Variants in SEC62 observed in about 807,000 individuals in gnomAD.
SEC62 encodes SEC62 preprotein translocation factor.
A neutral mutation model predicts 47.5 loss-of-function variants in SEC62; 10 were observed. That is an observed-to-expected ratio of 0.21 (90% confidence interval 0.13 to 0.36). SEC62 has a LOEUF of 0.36. SEC62 is among the 10% of genes least tolerant of loss of function. The pLI is 1.00. For missense variants in SEC62, 327 were observed against 464.1 expected, an observed-to-expected ratio of 0.70 and a Z score of 2.71; for synonymous variants, 136 against 150.5, an observed-to-expected ratio of 0.90 and a Z score of 0.71.
chr3:169,989,070 G>A (rs1049438871), intron 7 of SEC62, among the ~76,000 whole-genome samples: 7 of 151,156 alleles, frequency 4.6e-5, no homozygotes, highest in South Asian at 2.1e-4. Flanking sequence ...TGAATTTTCC[G>A]CATTTCTGGA....
In SEC62 at chr3:169,992,298, C is replaced by T. The variant is rs941569399; in HGVS notation, c.731-296C>T. On this transcript the variant is annotated intron_variant, in intron 7 of 7. Transcript: ENST00000337002. This position sits in a 1 kb window ranked among gnomAD's most constrained non-coding sequence, Gnocchi z 4.0. ...CTCAAGTTCAGAGCAACATTCTGTG[C>T]CCCTAGAATACCGTGATAGCTGCTA... Among the ~76,000 whole-genome samples the T allele has an allele frequency of 6.6e-6, 1 of 152,086 alleles. No individual in the cohort carries two copies. Among genetic ancestry groups the T allele is most frequent in the Admixed American group, 6.5e-5 (1 of 15,274 alleles).
chr3:169,969,118 A>G (rs1714629912), intron 1 of SEC62, among the ~76,000 whole-genome samples: 1 of 152,226 alleles, frequency 6.6e-6, no homozygotes, highest in African/African-American at 2.4e-5. Flanking sequence ...CTGTAATACC[A>G]ACTGAGTTTC....
intron 1 of SEC62, among the ~76,000 whole-genome samples, chr3:169,974,950 C>T (rs1301915493): frequency 6.6e-6 from 1 of 152,156 alleles, no homozygotes; most frequent in Non-Finnish European, 1.5e-5. Flanking sequence ...CTATTAGCAA[C>T]ATCTTATCTT....
rs74398997 is a variant in SEC62 at position 169,971,011 on chromosome 3, G to A, written c.36+4153G>A. Among the ~76,000 whole-genome samples, 840 of 151,726 alleles carry A rather than the reference G, an allele frequency of 5.5e-3. 41 individuals are homozygous for A. The East Asian group carries it at 0.13, about 24-fold the overall frequency. On this transcript the variant is annotated intron_variant, in intron 1 of 7. Transcript: ENST00000337002. ...CAGTGAAAGTGAAGACTGCATGCAC[G>A]TTGGATGTGGTGGCTTGTGCTTGTA...
intron 1 of SEC62, among the ~76,000 whole-genome samples, chr3:169,971,744 A>T (rs1169939598): frequency 6.6e-6 from 1 of 152,158 alleles, no homozygotes; most frequent in East Asian, 1.9e-4. Flanking sequence ...TTTTTTATGT[A>T]CCCTAATATT....
intron 1 of SEC62, chr3:169,975,348 A>G: frequency 3.3e-6 from 1 of 299,146 alleles, no homozygotes; most frequent in Non-Finnish European, 6.4e-6. Flanking sequence ...ACCATTGTGG[A>G]AAAAACAACT....
At position 169,993,095 on chromosome 3, in the gene SEC62, A is replaced by T. The variant is rs777550634; in HGVS notation, c.*32A>T. On this transcript the variant is annotated 3_prime_UTR_variant, in exon 8 of 8. Coordinates refer to ENST00000337002, the MANE Select transcript of SEC62 (RefSeq NM_003262.4). ...TAATTTTGGGACTGAATGAATAAGT[A>T]CAAGAGGTTGGATTTTCTATGTTGG... 6.8e-7 allele frequency: 1 copy of T among 1,481,246 alleles called. No homozygotes were observed. Among genetic ancestry groups the T allele is most frequent in the Non-Finnish European group, 9.0e-7 (1 of 1,105,984 alleles). The allele number at this position is 1,481,246 out of a possible 1,614,324, so 91.8% of individuals were successfully genotyped here.
chr3:169,978,980 G>T (rs975474001), intron 3 of SEC62, among the ~76,000 whole-genome samples: 1 of 152,152 alleles, frequency 6.6e-6, no homozygotes, highest in Non-Finnish European at 1.5e-5. Context: ...ATTTAATGGA[G>T]CTATTAGATC....
Position 169,969,304 on chromosome 3 carries a change from G to A in SEC62, c.36+2446G>A, listed in dbSNP as rs530018728. On this transcript the variant is annotated intron_variant, in intron 1 of 7. Coordinates refer to ENST00000337002, the MANE Select transcript of SEC62 (RefSeq NM_003262.4). ...TAATTCAGTATAATTTCAGATTCTC[G>A]TGTCCCATCGAAGTTTCTAGCAAGA... The A allele has an allele frequency of 3.9e-5, 18 of 456,198 alleles. No homozygotes were observed. The East Asian group carries it at 9.0e-4, about 23-fold the overall frequency. 28.3% of individuals were successfully genotyped at this position (456,198 alleles called of 1,614,324 possible). A position where few individuals can be genotyped will look rare whatever the true frequency, so the allele number is the denominator to read the frequency against.
Position 169,985,826 on chromosome 3 carries a change from C to T in SEC62, c.571C>T (p.Pro191Ser). 1 of 1,612,132 alleles carries T rather than the reference C, an allele frequency of 6.2e-7. No homozygotes were observed. Among genetic ancestry groups the T allele is most frequent in the Non-Finnish European group, 8.5e-7 (1 of 1,179,086 alleles). ...CTAGGTGTATGTATGGATCTATGACCCAGTTCACTTTAAAACATTTGTCAT... is the reference window on the plus strand; with the variant it reads ...CTAGGTGTATGTATGGATCTATGACTCAGTTCACTTTAAAACATTTGTCAT... The part of the protein sequence containing the change: ...GNEVYVWIYD[P>S]VHFKTFVMGL... Residue 191 changes from proline to serine, a missense_variant, in exon 6 of 8, where the codon CCA (proline) becomes TCA (serine). Around this residue, in one of 3 missense-constraint regions of SEC62, gnomAD observed 99 missense variants for 194.0 expected, o/e 0.51. Transcript: ENST00000337002.
At chr3:169,975,921 GA>G (rs1298204447) in intron 2 of SEC62, among the ~76,000 whole-genome samples, 1 of 152,134 alleles carries the variant, frequency 6.6e-6, no homozygotes. Flanking sequence ...ACAATTGTTG[GA>G]AATTTTTTTA....
intron 2 of SEC62, among the ~76,000 whole-genome samples, chr3:169,976,128 G>A (rs1220333857): frequency 6.6e-6 from 1 of 152,128 alleles, no homozygotes; most frequent in Non-Finnish European, 1.5e-5. Flanking sequence ...TGGGTGTCGT[G>A]GCTCACACCT....
intron 1 of SEC62, among the ~76,000 whole-genome samples, chr3:169,972,558 C>T: frequency 6.7e-6 from 1 of 148,704 alleles, no homozygotes; most frequent in East Asian, 2.0e-4. Context: ...TGGAACTACA[C>T]ATGTGTAGCA....
At position 169,992,967 on chromosome 3, in the gene SEC62, AGAGGAACTG is replaced by A; in HGVS notation, c.1107_1115del (p.Glu370_Glu372del). 1 of 1,614,012 alleles carries A rather than the reference AGAGGAACTG, an allele frequency of 6.2e-7. No homozygotes were observed. Among genetic ancestry groups the A allele is most frequent in the Non-Finnish European group, 8.5e-7 (1 of 1,179,940 alleles). Reference sequence around the variant, plus strand: ...GAAATGATTTTGAAATGATAACAAAAGAGGAACTGGAACAGCAAACAGATGGGGATTGTG... The same window carrying A: ...GAAATGATTTTGAAATGATAACAAAAGAACAGCAAACAGATGGGGATTGTG... On this transcript the variant is annotated inframe_deletion, in exon 8 of 8. Coordinates refer to ENST00000337002, the MANE Select transcript of SEC62 (RefSeq NM_003262.4). This position sits in a 1 kb window ranked among gnomAD's most constrained non-coding sequence, Gnocchi z 4.0.
rs1465330951 is a variant in SEC62, at chr3:169,992,676, T to C, written c.813T>C (p.Asp271=). 2.5e-6 allele frequency: 4 copies of C among 1,614,186 alleles called. No individual in the cohort carries two copies. In the Admixed American group the frequency reaches 5.0e-5, roughly 20 times the overall value. The change falls in exon 8 of 8, where the codon GAT becomes GAC. Residue 271 remains aspartate (D), a synonymous_variant. Transcript: ENST00000337002. The surrounding 1 kb of genome is among the most constrained non-coding windows in gnomAD (Gnocchi z 4.0). ...GGTTCTTGCCAAATCTGACTGCTGATGTGGGCTTCATTGACTCCTTCAGGC... is the reference window on the plus strand; with the variant it reads ...GGTTCTTGCCAAATCTGACTGCTGACGTGGGCTTCATTGACTCCTTCAGGC... ...HFWFLPNLTA[D]VGFIDSFRPL...
intron 1 of SEC62, among the ~76,000 whole-genome samples, chr3:169,967,852 G>C (rs1714581550): frequency 6.6e-6 from 1 of 151,106 alleles, no homozygotes; most frequent in Non-Finnish European, 1.5e-5. Flanking sequence ...TGCTTAGAAT[G>C]ATTTTTTCTT....
Position 169,995,874 on chromosome 3 carries a change from A to T in SEC62, c.*2811A>T, listed in dbSNP as rs1715362075. 6.6e-6 allele frequency: 1 copy of T among 152,192 alleles called. No individual in the cohort carries two copies. The highest frequency in any genetic ancestry group is 2.1e-4 in the South Asian group (1 of 4,832). 9.4% of individuals were successfully genotyped at this position (152,192 alleles called of 1,614,324 possible). ...ATTAACATTGAAGTCATGACCAACA[A>T]CACTGTAACTCATGCCTGAATGAAG... On this transcript the variant is annotated 3_prime_UTR_variant, in exon 8 of 8. Coordinates refer to ENST00000337002, the MANE Select transcript of SEC62 (RefSeq NM_003262.4).
intron 1 of SEC62, among the ~76,000 whole-genome samples, chr3:169,974,471 A>C (rs1412597067): frequency 6.6e-6 from 1 of 152,210 alleles, no homozygotes; most frequent in Non-Finnish European, 1.5e-5. Context: ...TTGTCAAAGA[A>C]GTTCAGAATG....
chr3:169,973,883 C>G (rs1438451372), intron 1 of SEC62, among the ~76,000 whole-genome samples: 1 of 152,082 alleles, frequency 6.6e-6, no homozygotes, highest in African/African-American at 2.4e-5. Flanking sequence ...AAGTAGAGGA[C>G]TTGCGAAATA....
Sources: gnomAD v4.1 joint callset for allele counts (sites outside exome capture counted in the v4.1 genomes callset) on GRCh38, gnomAD v4.1.1 for gene constraint, gnomAD v4.1.1 regional missense constraint, Gnocchi (gnomAD v3.1) non-coding constraint, MANE v1.5 for transcripts, NCBI Gene and HGNC (gene_info 2026-07-23, HGNC 2026-07-21) for gene names.